The following COL19A1 variants were observed in gnomAD, a reference collection of about 807,000 sequenced individuals.
COL19A1 encodes the protein collagen alpha-1(XIX) chain.
In COL19A1, 159 loss-of-function variants were observed where a neutral mutation model predicts 190.2. That is an observed-to-expected ratio of 0.84 (90% CI 0.73 to 0.95). The LOEUF is 0.95. COL19A1 is among the 40% of genes least tolerant of loss of function. COL19A1 has a pLI of 0.00. For synonymous variants in COL19A1, 509 were observed against 458.9 expected (o/e 1.11, Z -1.39); for missense variants, 1,418 against 1,431.9 (o/e 0.99, Z 0.16).
intron 9 of COL19A1, among the ~76,000 whole-genome samples, chr6:69,954,268 C>A (rs1774285671): frequency 6.6e-6 from 1 of 151,988 alleles, no homozygotes; most frequent in African/African-American, 2.4e-5. Context: ...TGTGTCTATA[C>A]ACCCTGCTAA....
chr6:69,967,301 A>G (rs1482790665), intron 11 of COL19A1, among the ~76,000 whole-genome samples: 1 of 152,184 alleles, frequency 6.6e-6, no homozygotes, highest in Non-Finnish European at 1.5e-5. Context: ...GGGAAATGAA[A>G]GTTTTCTGGT....
rs1218691273 is a variant in COL19A1, at chr6:69,936,904, A to G, written c.867A>G (p.Pro289=). The change falls in exon 8 of 51, where the codon CCA becomes CCG. Residue 289 remains proline (P), a synonymous_variant. Coordinates refer to ENST00000620364, the MANE Select transcript of COL19A1 (RefSeq NM_001858.6). ...QELKDQCQCI[P]NKGEAGLPGA... Reference sequence around the variant, plus strand: ...TTAAAGACCAGTGCCAGTGCATTCCAAACAAGGTATGCTAGTTTTAATTGG... The same window carrying G: ...TTAAAGACCAGTGCCAGTGCATTCCGAACAAGGTATGCTAGTTTTAATTGG... 6.2e-7 allele frequency: 1 copy of G among 1,612,856 alleles called. No individual in the cohort carries two copies. The highest frequency in any genetic ancestry group is 1.7e-5 in the Admixed American group (1 of 59,932).
At chr6:69,888,765 G>A (rs1350294046) in intron 2 of COL19A1, among the ~76,000 whole-genome samples, 5 of 137,564 alleles carry the variant, frequency 3.6e-5, no homozygotes, top group African/African-American at 1.4e-4. Context: ...TCGACAGAGT[G>A]AGACTCTAGC....
At chr6:69,961,565 T>C (rs1377274932) in intron 10 of COL19A1, among the ~76,000 whole-genome samples, 1 of 152,214 alleles carries the variant, frequency 6.6e-6, no homozygotes, top group Non-Finnish European at 1.5e-5. Flanking sequence ...AGTTAAAGTC[T>C]ATATTTTAGG....
intron 15 of COL19A1, among the ~76,000 whole-genome samples, chr6:70,068,728 T>C (rs1055326278): frequency 6.6e-6 from 1 of 152,108 alleles, no homozygotes; most frequent in Non-Finnish European, 1.5e-5. Flanking sequence ...TAATTTGATC[T>C]ACACTACTTT....
chr6:70,212,100 G>T lies in COL19A1; in HGVS notation c.*4826G>T, dbSNP rs1361935485. ...GTGTGACCATACTAAGCTTCTGGGT[G>T]TAAGTAAAGATGCTGGCTATTTTAC... On this transcript the variant is annotated 3_prime_UTR_variant, in exon 51 of 51. Transcript: ENST00000620364. Among the ~76,000 whole-genome samples, 2 of 152,152 alleles carry T rather than the reference G, an allele frequency of 1.3e-5. No homozygotes were observed. The highest frequency in any genetic ancestry group is 6.5e-5 in the Admixed American group (1 of 15,272).
intron 16 of COL19A1, 84 bp downstream of exon 16, chr6:70,102,306 G>A: frequency 1.0e-6 from 1 of 1,003,240 alleles, no homozygotes; most frequent in Non-Finnish European, 1.6e-6. Context: ...TTACTCCCCT[G>A]TAGATAATGA....
chr6:70,005,936 G>T (rs938823287), intron 11 of COL19A1, among the ~76,000 whole-genome samples: 4 of 152,156 alleles, frequency 2.6e-5, no homozygotes, highest in Non-Finnish European at 5.9e-5. Flanking sequence ...AGGCTCTCTG[G>T]CTGCAGTCTG....
At chr6:70,051,001 A>G (rs962684848) in intron 14 of COL19A1, among the ~76,000 whole-genome samples, 2 of 151,956 alleles carry the variant, frequency 1.3e-5, no homozygotes, top group African/African-American at 2.4e-5. Flanking sequence ...TAGTTATTTT[A>G]GCTTGGGCAT....
At chr6:70,125,042 G>A (rs1347178993) in intron 17 of COL19A1, among the ~76,000 whole-genome samples, 2 of 152,146 alleles carry the variant, frequency 1.3e-5, no homozygotes, top group African/African-American at 2.4e-5. Context: ...TGAGCACGAT[G>A]CATGTTTTCC....
chr6:70,141,860 G>A, intron 20 of COL19A1, 33 bp from the exon 21 acceptor site: 1 of 1,395,558 alleles, frequency 7.2e-7, no homozygotes, highest in South Asian at 1.2e-5. Flanking sequence ...CTGAATTTAA[G>A]CATTACCCTT....
Position 69,928,143 on chromosome 6 carries a change from A to G in COL19A1, c.390+111A>G, listed in dbSNP as rs943736750. 5.7e-6 allele frequency: 8 copies of G among 1,414,880 alleles called. No individual in the cohort carries two copies. In the African/African-American group the frequency reaches 5.7e-5, roughly 10 times the overall value. 87.6% of individuals were successfully genotyped at this position (1,414,880 alleles called of 1,614,324 possible). A position where few individuals can be genotyped will look rare whatever the true frequency, so the allele number is the denominator to read the frequency against. ...AGTAGATCTAGTATCCAAATGTTCT[A>G]TCCTTTAGAGGGATCATCAACAAGA... On this transcript the variant is annotated intron_variant, in intron 5 of 50. Coordinates refer to ENST00000620364, the MANE Select transcript of COL19A1 (RefSeq NM_001858.6).
At chr6:70,174,775 AAGAG>A (rs1765708378) in intron 41 of COL19A1, among the ~76,000 whole-genome samples, 1 of 152,182 alleles carries the variant, frequency 6.6e-6, no homozygotes, top group Non-Finnish European at 1.5e-5. Flanking sequence ...TTAACTAGGC[AAGAG>A]AGAGGGAGAG....
rs530122636 is a variant in COL19A1 at position 70,156,447 on chromosome 6, A to G, written c.2238+78A>G. The stretch of plus-strand genomic sequence containing the variant: ...AAAAAAGAACCCGATTTGAAAATAG[A>G]CAACTTTTAAAATACATACTATATA... On this transcript the variant is annotated intron_variant, in intron 33 of 50. Coordinates refer to ENST00000620364, the MANE Select transcript of COL19A1 (RefSeq NM_001858.6). The G allele has an allele frequency of 6.6e-4, 883 of 1,327,894 alleles. 6 individuals are homozygous for G. In the African/African-American group the frequency reaches 0.012, roughly 18 times the overall value. 82.3% of individuals were successfully genotyped at this position (1,327,894 alleles called of 1,614,324 possible).
At chr6:70,039,796 T>G (rs1779545366) in intron 14 of COL19A1, among the ~76,000 whole-genome samples, 1 of 150,702 alleles carries the variant, frequency 6.6e-6, no homozygotes, top group Non-Finnish European at 1.5e-5. Flanking sequence ...AGGGTCTCAC[T>G]CTGTTGCCCA....
At chr6:70,001,138 T>A (rs559802853) in intron 11 of COL19A1, among the ~76,000 whole-genome samples, 1 of 152,336 alleles carries the variant, frequency 6.6e-6, no homozygotes, top group East Asian at 1.9e-4. Flanking sequence ...TCTTTCCCCA[T>A]TACTTGTTTT....
intron 11 of COL19A1, among the ~76,000 whole-genome samples, chr6:69,988,726 C>T (rs184119280): frequency 6.6e-6 from 1 of 152,166 alleles, no homozygotes; most frequent in African/African-American, 2.4e-5. Flanking sequence ...CTCAACTTGT[C>T]TTATCAGTTC....
intron 27 of COL19A1, 115 bp downstream of exon 27, chr6:70,147,004 C>T: frequency 5.7e-6 from 5 of 871,614 alleles, no homozygotes; most frequent in Non-Finnish European, 8.6e-6. Context: ...TACAAATAAA[C>T]ACTATCCAGA....
chr6:70,111,501 AATTTATATT>A (rs1784284518), intron 16 of COL19A1, among the ~76,000 whole-genome samples: 1 of 152,180 alleles, frequency 6.6e-6, no homozygotes, highest in Admixed American at 6.5e-5. Flanking sequence ...GACTCATTGC[AATTTATATT>A]ATTTTCTGTA....
Sources: gnomAD v4.1 joint callset for allele counts (sites outside exome capture counted in the v4.1 genomes callset) on GRCh38, gnomAD v4.1.1 for gene constraint, MANE v1.5 for transcripts, NCBI Gene and HGNC (gene_info 2026-07-23, HGNC 2026-07-21) for gene names.